Variants in MIIP observed in about 807,000 individuals in gnomAD.
MIIP encodes migration and invasion-inhibitory protein.
MIIP carries 44 observed loss-of-function variants against 44.8 expected under a neutral mutation model. That is an observed-to-expected ratio of 0.98 (90% CI 0.77 to 1.26). The LOEUF (loss-of-function observed/expected upper bound fraction) is 1.26, where lower values mean the gene tolerates loss of function less well. MIIP is among the 50% of genes most tolerant of loss of function. The pLI is 0.00. For missense variants in MIIP, 496 were observed against 511.7 expected (o/e 0.97, Z 0.30); for synonymous variants, 225 against 218.3 (o/e 1.03, Z -0.27).
chr1:12,022,725 C>A, intron 3 of MIIP, 108 bp from the exon 4 acceptor site: 1 of 891,250 alleles, frequency 1.1e-6, no homozygotes, highest in Non-Finnish European at 1.8e-6. Context: ...CCCTGGGCTG[C>A]AAGTCAGGGT....
At position 12,025,148 on chromosome 1, in the gene MIIP, C is replaced by T. The variant is rs185485819; in HGVS notation, c.547+2231C>T. 2.3e-4 allele frequency among the ~76,000 whole-genome samples: 34 copies of T among 149,134 alleles called. No individual in the cohort carries two copies. The East Asian group carries it at 6.5e-3, about 29-fold the overall frequency. The stretch of plus-strand genomic sequence containing the variant: ...GATCTCGGCTCACTGCAACCTTCAC[C>T]TCCCGGGTTCGAGTGGTTCTTGTGC... On this transcript the variant is annotated intron_variant, in intron 4 of 9. Coordinates refer to ENST00000235332, the MANE Select transcript of MIIP (RefSeq NM_021933.4).
At position 12,031,833 on chromosome 1, in the gene MIIP, C is replaced by T. The variant is rs910328367; in HGVS notation, c.*25C>T. Reference sequence around the variant, plus strand: ...AGGACTGACTCCTGGGGGAGAACAGCATTCCCGCCGCCTCCAGCCTCTCCC... The same window carrying T: ...AGGACTGACTCCTGGGGGAGAACAGTATTCCCGCCGCCTCCAGCCTCTCCC... On this transcript the variant is annotated 3_prime_UTR_variant, in exon 10 of 10. Transcript: ENST00000235332. 3.1e-6 allele frequency: 5 copies of T among 1,604,390 alleles called. No homozygotes were observed. Among genetic ancestry groups the T allele is most frequent in the Non-Finnish European group, 4.3e-6 (5 of 1,172,452 alleles).
chr1:12,029,620 G>A (rs1054966569), intron 6 of MIIP, 145 bp from the exon 7 acceptor site: 4 of 1,183,950 alleles, frequency 3.4e-6, no homozygotes, highest in African/African-American at 3.1e-5. Context: ...GGTTCTGGGA[G>A]GAAAGGGGTT....
rs530168024 is a variant in MIIP at position 12,031,200 on chromosome 1, G to A, written c.943-66G>A. On this transcript the variant is annotated intron_variant, in intron 8 of 9. Transcript: ENST00000235332. The stretch of plus-strand genomic sequence containing the variant: ...TGGGGGGCACAGTTCCTCCCTGATG[G>A]GGGTGTGCCCAGTCAGCGGGGAGCT... 4.1e-5 allele frequency: 64 copies of A among 1,544,936 alleles called. No individual in the cohort carries two copies. The African/African-American group carries it at 8.1e-4, about 20-fold the overall frequency.
chr1:12,029,703 C>G (rs552041169), intron 6 of MIIP, 62 bp from the exon 7 acceptor site: 2 of 1,578,356 alleles, frequency 1.3e-6, no homozygotes, highest in Middle Eastern at 1.8e-4. Flanking sequence ...GAGGGCAGCA[C>G]GGAGCCTGGG....
rs138031268 is a variant in MIIP, at chr1:12,022,155, T to C, written c.175T>C (p.Ser59Pro). 6.2e-7 allele frequency: 1 copy of C among 1,613,892 alleles called. No individual in the cohort carries two copies. Among genetic ancestry groups the C allele is most frequent in the African/African-American group, 1.3e-5 (1 of 74,918 alleles). The change falls in exon 3 of 10, where the codon TCA (serine) becomes CCA (proline). Residue 59 changes from serine to proline, a missense_variant. Physicochemically the swap from Ser to Pro is moderately conservative, Grantham distance 74 (BLOSUM62 -1). Transcript: ENST00000235332. ...GACTCCATCGACCCCAGAGACGTCC[T>C]CAACTTCCTTGAGCACCTCCTGCCC... ...SETPSTPETS[S>P]TSLSTSCPRG...
chr1:12,019,708 T>G (rs973470423), intron 1 of MIIP, among the ~76,000 whole-genome samples, 156 bp downstream of exon 1: 1 of 152,260 alleles, frequency 6.6e-6, no homozygotes, highest in African/African-American at 2.4e-5. Flanking sequence ...CCGCTCGCCC[T>G]CTGTTACTTC....
Position 12,029,751 on chromosome 1 carries a change from C to T in MIIP, c.716-14C>T, listed in dbSNP as rs1640188463. The stretch of plus-strand genomic sequence containing the variant: ...TGGCTCAGGGAGAGCTGTGGCTTCT[C>T]ATGGGCCTCGCAGGCGTGTACTGTT... On this transcript the variant is annotated splice_polypyrimidine_tract_variant and intron_variant, in intron 6 of 9. Coordinates refer to ENST00000235332, the MANE Select transcript of MIIP (RefSeq NM_021933.4). 1 of 1,604,450 alleles carries T rather than the reference C, an allele frequency of 6.2e-7. No individual in the cohort carries two copies. The highest frequency in any genetic ancestry group is 1.3e-5 in the African/African-American group (1 of 74,722).
chr1:12,023,011 G>T, intron 4 of MIIP, 94 bp downstream of exon 4: 1 of 962,744 alleles, frequency 1.0e-6, no homozygotes, highest in South Asian at 1.5e-5. Flanking sequence ...TCCACCCGGT[G>T]CTGTTGCTTG....
In MIIP at chr1:12,031,900, C is replaced by A; in HGVS notation, c.*92C>A. The A allele has an allele frequency of 7.7e-7, 1 of 1,298,088 alleles. No individual in the cohort carries two copies. The highest frequency in any genetic ancestry group is 1.1e-6 in the Non-Finnish European group (1 of 920,418). The allele number at this position is 1,298,088 out of a possible 1,614,324, so 80.4% of individuals were successfully genotyped here. ...CAGGAGATGGAATCCCCTGCCCGCC[C>A]AGCTCAGGCCCAGCTGTCCTAGGTT... On this transcript the variant is annotated 3_prime_UTR_variant, in exon 10 of 10. Coordinates refer to ENST00000235332, the MANE Select transcript of MIIP (RefSeq NM_021933.4).
chr1:12,030,141 G>A lies in MIIP; in HGVS notation c.942+17G>A, dbSNP rs201664834. ...CTGCCCCGGGTGAGCAGCCACGTGG[G>A]GCTGGATGGTGATGAGGGCGGGGCT... is the stretch of plus-strand genomic sequence containing the variant. On this transcript the variant is annotated intron_variant, in intron 8 of 9. Transcript: ENST00000235332. 2,894 of 1,610,630 alleles carry A rather than the reference G, an allele frequency of 1.8e-3. 9 individuals carry two copies. Among genetic ancestry groups the A allele is most frequent in the Non-Finnish European group, 2.2e-3 (2,553 of 1,178,682 alleles).
At chr1:12,029,997 C>G (rs781302060) in intron 7 of MIIP, 31 bp from the exon 8 acceptor site, 2 of 1,611,814 alleles carry the variant, frequency 1.2e-6, no homozygotes, top group South Asian at 1.1e-5. Flanking sequence ...TGGGAGGCTC[C>G]TCAGGGGTCC....
In MIIP at chr1:12,031,270, G is replaced by C; in HGVS notation, c.947G>C (p.Cys316Ser). ...TTAACTCCTTGCCTTCCACAGCACTGCCTGCTGGGCTGGGACATTTTTCCT... is the reference window on the plus strand; with the variant it reads ...TTAACTCCTTGCCTTCCACAGCACTCCCTGCTGGGCTGGGACATTTTTCCT... ...ASDTLALPRH[C>S]LLGWDIFPPK... Residue 316 changes from cysteine (C) to serine (S), a missense_variant, in exon 9 of 10, where the codon TGC (cysteine) becomes TCC (serine). By Grantham distance (112) the Cys-to-Ser change is moderately radical (BLOSUM62 -1). Transcript: ENST00000235332. 6.2e-7 allele frequency: 1 copy of C among 1,613,452 alleles called. No individual in the cohort carries two copies. The highest frequency in any genetic ancestry group is 1.1e-5 in the South Asian group (1 of 91,016).
intron 4 of MIIP, among the ~76,000 whole-genome samples, chr1:12,027,389 C>G (rs1010328447): frequency 6.6e-6 from 1 of 152,166 alleles, no homozygotes; most frequent in Non-Finnish European, 1.5e-5. Context: ...CAGTGGCCTC[C>G]GTGGTGCCAA....
chr1:12,026,182 A>G lies in MIIP; in HGVS notation c.548-2851A>G, dbSNP rs1031797458. On this transcript the variant is annotated intron_variant, in intron 4 of 9. Transcript: ENST00000235332. ...TAGCCAGGTGTGGTGGCGGGCACCT[A>G]TAATCCCAGCTACTCAGGACGCTGA... Among the ~76,000 whole-genome samples, 5 of 152,076 alleles carry G rather than the reference A, an allele frequency of 3.3e-5. No individual in the cohort carries two copies. The East Asian group carries it at 7.8e-4, about 24-fold the overall frequency.
At chr1:12,024,980 A>ACC (rs781021483) in intron 4 of MIIP, among the ~76,000 whole-genome samples, 7 of 150,518 alleles carry the variant, frequency 4.7e-5, no homozygotes, top group African/African-American at 7.3e-5. Context: ...ATTTAACATA[A>ACC]CGGCCTCAAG....
intron 1 of MIIP, among the ~76,000 whole-genome samples, chr1:12,021,345 G>T (rs1437087337): frequency 6.7e-6 from 1 of 150,350 alleles, no homozygotes; most frequent in Admixed American, 6.6e-5. Context: ...AGTGAGCCGA[G>T]ATTGCGCCAC....
At chr1:12,023,686 T>C (rs900677805) in intron 4 of MIIP, among the ~76,000 whole-genome samples, 1 of 151,190 alleles carries the variant, frequency 6.6e-6, no homozygotes, top group Non-Finnish European at 1.5e-5. Flanking sequence ...CTTTTTTTTT[T>C]TTTTTCTTTG....
At chr1:12,021,402 A>AT (rs532581723) in intron 1 of MIIP, among the ~76,000 whole-genome samples, 45 of 152,206 alleles carry the variant, frequency 3.0e-4, no homozygotes, top group African/African-American at 1.1e-3. Context: ...TCAAAAAAAA[A>AT]AAACAAAAAA....
Sources: allele counts gnomAD v4.1 joint callset (sites outside exome capture counted in the v4.1 genomes callset), GRCh38; gene constraint gnomAD v4.1.1; transcripts MANE v1.5; gene names NCBI Gene and HGNC (gene_info 2026-07-23, HGNC 2026-07-21).